CRB1: variants seen among roughly 807,000 people sequenced by gnomAD.
CRB1 encodes the protein protein crumbs homolog 1.
In CRB1, 83 loss-of-function variants were observed where a neutral mutation model predicts 120.0. That is an observed-to-expected ratio of 0.69 (90% CI 0.58 to 0.83). The LOEUF (loss-of-function observed/expected upper bound fraction) is 0.83. CRB1 is among the 40% of genes least tolerant of loss of function. The pLI is 0.00. For synonymous variants in CRB1, 625 were observed against 612.5 expected, an observed-to-expected ratio of 1.02 and a Z score of -0.30; for missense variants, 1,699 against 1,687.6, an observed-to-expected ratio of 1.01 and a Z score of -0.12.
rs1487701966 is a variant in CRB1 at position 197,435,609 on chromosome 1, G to A, written c.3746G>A (p.Cys1249Tyr). The change falls in exon 9 of 12, where the codon TGC becomes TAC. Residue 1249 changes from cysteine (C) to tyrosine (Y), a missense_variant. By Grantham distance (194) the Cys-to-Tyr change is radical (BLOSUM62 -2). Transcript: ENST00000367400. ...LCFGNFTGKF[C>Y]RQSRLPSTVC... Reference sequence around the variant, plus strand: ...TTTGGAAATTTTACAGGAAAATTTTGCAGGTGAGCATAAAGTCCATATGAA... The same window carrying A: ...TTTGGAAATTTTACAGGAAAATTTTACAGGTGAGCATAAAGTCCATATGAA... 6.2e-7 allele frequency: 1 copy of A among 1,610,786 alleles called. No homozygotes were observed. Among genetic ancestry groups the A allele is most frequent in the East Asian group, 2.2e-5 (1 of 44,814 alleles).
chr1:197,312,476 G>A (rs974690310), intron 1 of CRB1, among the ~76,000 whole-genome samples: 1 of 152,216 alleles, frequency 6.6e-6, no homozygotes, highest in African/African-American at 2.4e-5. Flanking sequence ...CGAGCCATCA[G>A]GAGGCTGAGG....
intron 8 of CRB1, among the ~76,000 whole-genome samples, chr1:197,434,049 G>C (rs2125497640): frequency 6.6e-6 from 1 of 152,212 alleles, no homozygotes; most frequent in African/African-American, 2.4e-5. Flanking sequence ...AATGCAATAG[G>C]ATTGCCCAAA....
chr1:197,227,818 C>T, the CRB1 span, among the ~76,000 whole-genome samples: 1 of 152,200 alleles, frequency 6.6e-6, no homozygotes, highest in African/African-American at 2.4e-5. Context: ...GAGGGCCCCG[C>T]TCCTGCAGCA....
At chr1:197,315,068 C>T (rs908672682) in intron 1 of CRB1, among the ~76,000 whole-genome samples, 1 of 152,180 alleles carries the variant, frequency 6.6e-6, no homozygotes, top group African/African-American at 2.4e-5. Flanking sequence ...AGCACAAAAG[C>T]CATTCCAAAT....
chr1:197,426,602 A>G (rs1027476864), intron 6 of CRB1, among the ~76,000 whole-genome samples: 1 of 152,206 alleles, frequency 6.6e-6, no homozygotes, highest in African/African-American at 2.4e-5. Context: ...GGTGATGCAC[A>G]TCAATAGCAT....
In CRB1 at chr1:197,282,649, CTT is replaced by C. The variant is rs141066365; in HGVS notation, c.70+14168_70+14169del. ...GCAATTTAAATATTTCCTGCAGTCT[CTT>C]AAGAAACGCACACATATACACACAT... is the stretch of plus-strand genomic sequence containing the variant. On this transcript the variant is annotated intron_variant, in intron 1 of 11. Transcript: ENST00000367400. Among the ~76,000 whole-genome samples, 471 of 151,928 alleles carry C rather than the reference CTT, an allele frequency of 3.1e-3. 1 individual carries two copies. Among genetic ancestry groups the C allele is most frequent in the African/African-American group, 0.011 (450 of 41,480 alleles).
intron 1 of CRB1, among the ~76,000 whole-genome samples, chr1:197,276,585 A>G (rs1655221530): frequency 6.6e-6 from 1 of 151,822 alleles, no homozygotes; most frequent in African/African-American, 2.4e-5. Flanking sequence ...AAAAAGTGCT[A>G]TAGAAGAAAG....
the CRB1 span, among the ~76,000 whole-genome samples, chr1:197,213,430 G>A: frequency 6.6e-6 from 1 of 152,098 alleles, no homozygotes; most frequent in Non-Finnish European, 1.5e-5. Flanking sequence ...CTGATAAGAC[G>A]AGCAGAGCAG....
intron 1 of CRB1, among the ~76,000 whole-genome samples, chr1:197,279,697 C>T (rs1398271183): frequency 6.6e-6 from 1 of 151,620 alleles, no homozygotes; most frequent in South Asian, 2.1e-4. Flanking sequence ...TTTGCATAAA[C>T]GTAGTTTTTT....
chr1:197,283,421 G>A (rs964619788), intron 1 of CRB1, among the ~76,000 whole-genome samples: 5 of 151,648 alleles, frequency 3.3e-5, no homozygotes, highest in African/African-American at 2.4e-5. Flanking sequence ...AGTCCCCAAA[G>A]TCCGTTGTAT....
chr1:197,429,017 G>C (rs979877605), intron 7 of CRB1: 9 of 1,512,870 alleles, frequency 5.9e-6, no homozygotes, highest in Non-Finnish European at 8.0e-6. Context: ...TTGGGATCCA[G>C]AGGACCTAAG....
chr1:197,401,505 C>T (rs1262888179), intron 5 of CRB1, among the ~76,000 whole-genome samples: 2 of 152,060 alleles, frequency 1.3e-5, no homozygotes, highest in East Asian at 3.8e-4. Context: ...AAATTGTTGT[C>T]ATCCAATTAT....
intron 1 of CRB1, among the ~76,000 whole-genome samples, chr1:197,324,785 T>C (rs1658400398): frequency 6.6e-6 from 1 of 152,166 alleles, no homozygotes. Context: ...AGTGAAAATG[T>C]TTTTTCTTAA....
At chr1:197,453,258 T>C (rs1666055128) in intron 11 of CRB1, among the ~76,000 whole-genome samples, 1 of 147,816 alleles carries the variant, frequency 6.8e-6, no homozygotes, top group Non-Finnish European at 1.5e-5. Flanking sequence ...TAAGTATGTG[T>C]GTATACTTGT....
At chr1:197,401,279 G>A (rs1054429189) in intron 5 of CRB1, among the ~76,000 whole-genome samples, 9 of 151,642 alleles carry the variant, frequency 5.9e-5, no homozygotes, top group Non-Finnish European at 1.2e-4. Context: ...CCAGTGTTCT[G>A]GAATTTCCAT....
chr1:197,236,595 C>G, the CRB1 span, among the ~76,000 whole-genome samples: 1 of 152,120 alleles, frequency 6.6e-6, no homozygotes, highest in African/African-American at 2.4e-5. Flanking sequence ...TGACATTTCC[C>G]TAATCTTAGG....
intron 5 of CRB1, among the ~76,000 whole-genome samples, chr1:197,365,316 C>T (rs1348182825): frequency 6.6e-6 from 1 of 152,136 alleles, no homozygotes; most frequent in African/African-American, 2.4e-5. Flanking sequence ...GGGTAGAGAG[C>T]ATTTCCTAGG....
chr1:197,353,965 A>G (rs1660267628), intron 4 of CRB1, among the ~76,000 whole-genome samples: 1 of 151,250 alleles, frequency 6.6e-6, no homozygotes. Context: ...AAATACTCTT[A>G]CAAATCAATA....
chr1:197,366,279 A>G (rs759071559), intron 5 of CRB1, among the ~76,000 whole-genome samples: 49 of 152,140 alleles, frequency 3.2e-4, no homozygotes, highest in Admixed American at 9.2e-4. Flanking sequence ...TAGAAAACAT[A>G]CAGTTTACTT....
Sources: allele counts gnomAD v4.1 joint callset (sites outside exome capture counted in the v4.1 genomes callset), GRCh38; gene constraint gnomAD v4.1.1; transcripts MANE v1.5; gene names NCBI Gene and HGNC (gene_info 2026-07-23, HGNC 2026-07-21).